ZMAT4: variants seen among roughly 807,000 people sequenced by gnomAD.
The protein encoded by ZMAT4 is zinc finger matrin-type protein 4.
ZMAT4 carries 17 observed loss-of-function variants against 28.7 expected under a neutral mutation model. That is an observed-to-expected ratio of 0.59 (90% CI 0.41 to 0.89). ZMAT4 has a LOEUF of 0.89. Among genes scored for constraint, ZMAT4 ranks in the 40% least tolerant of loss-of-function variants. The probability of loss-of-function intolerance (pLI) is 0.00; values close to 1 mark genes in which losing one functional copy is unlikely to be tolerated. For synonymous variants in ZMAT4, 117 were observed against 109.2 expected (o/e 1.07, Z -0.44); for missense variants, 240 against 283.8 (o/e 0.85, Z 1.11).
intron 1 of ZMAT4, among the ~76,000 whole-genome samples, chr8:40,849,250 C>A (rs1373487851): frequency 1.3e-5 from 2 of 152,262 alleles, no homozygotes; most frequent in Admixed American, 6.5e-5. Context: ...CCACTCTCAA[C>A]ACACAATTGC....
chr8:40,740,297 A>T (rs751625560), intron 3 of ZMAT4, among the ~76,000 whole-genome samples: 1 of 152,206 alleles, frequency 6.6e-6, no homozygotes, highest in Non-Finnish European at 1.5e-5. Flanking sequence ...CTTCTCCAGC[A>T]TCTGTTGCTT....
At chr8:40,613,186 T>TTTTG in intron 5 of ZMAT4, among the ~76,000 whole-genome samples, 1 of 135,188 alleles carries the variant, frequency 7.4e-6, no homozygotes, top group Non-Finnish European at 1.6e-5. Context: ...CTTTCTTTTT[T>TTTTG]TTTTTTTTTT....
intron 1 of ZMAT4, among the ~76,000 whole-genome samples, chr8:40,858,276 C>T (rs1445787431): frequency 2.6e-5 from 4 of 152,114 alleles, no homozygotes; most frequent in Non-Finnish European, 4.4e-5. Flanking sequence ...GGGGGTGAGG[C>T]GGTGCTCATT....
At chr8:40,588,488 A>G (rs1261353502) in intron 5 of ZMAT4, among the ~76,000 whole-genome samples, 1 of 152,170 alleles carries the variant, frequency 6.6e-6, no homozygotes, top group African/African-American at 2.4e-5. Context: ...ATCATAAAAG[A>G]AGACATAAAA....
At chr8:40,713,507 T>C (rs1317484061) in intron 3 of ZMAT4, among the ~76,000 whole-genome samples, 3 of 152,110 alleles carry the variant, frequency 2.0e-5, no homozygotes, top group African/African-American at 7.2e-5. Flanking sequence ...CCATACATAT[T>C]TTTAAATGCT....
chr8:40,872,438 C>A (rs971598539), intron 1 of ZMAT4, among the ~76,000 whole-genome samples: 1 of 152,172 alleles, frequency 6.6e-6, no homozygotes, highest in African/African-American at 2.4e-5. Flanking sequence ...CCCCAGTACC[C>A]CCCCCAACCC....
intron 3 of ZMAT4, among the ~76,000 whole-genome samples, chr8:40,749,296 C>A (rs1812365512): frequency 6.6e-6 from 1 of 152,228 alleles, no homozygotes. Flanking sequence ...ACCTGTCTCT[C>A]ACCACATCCT....
chr8:40,534,322 A>G (rs1256090742), intron 6 of ZMAT4, among the ~76,000 whole-genome samples: 1 of 152,128 alleles, frequency 6.6e-6, no homozygotes, highest in Non-Finnish European at 1.5e-5. Flanking sequence ...CATTTGATAC[A>G]AAAGAACACG....
At chr8:40,697,088 G>A (rs553590507) in intron 4 of ZMAT4, 157 bp downstream of exon 4, 1 of 788,012 alleles carries the variant, frequency 1.3e-6, no homozygotes, top group Non-Finnish European at 2.0e-6. Flanking sequence ...GGACAGCCAG[G>A]TCTGCTGAGG....
At chr8:40,694,548 C>T (rs1214553030) in intron 4 of ZMAT4, among the ~76,000 whole-genome samples, 2 of 152,114 alleles carry the variant, frequency 1.3e-5, no homozygotes, top group African/African-American at 4.8e-5. Context: ...TGCATGCTCC[C>T]TGGGCCCAGA....
chr8:40,559,825 A>G (rs932004081), intron 6 of ZMAT4, among the ~76,000 whole-genome samples: 11 of 152,132 alleles, frequency 7.2e-5, no homozygotes, highest in Admixed American at 2.0e-4. Flanking sequence ...ACATAAGTAC[A>G]CACAAATACA....
At chr8:40,879,060 G>A (rs184626937) in intron 1 of ZMAT4, among the ~76,000 whole-genome samples, 73 of 152,296 alleles carry the variant, frequency 4.8e-4, no homozygotes, top group African/African-American at 1.2e-3. Context: ...GCATGCAAAC[G>A]AGGACAGGCA....
intron 6 of ZMAT4, among the ~76,000 whole-genome samples, chr8:40,545,854 A>G (rs1006068092): frequency 6.6e-6 from 1 of 151,816 alleles, no homozygotes; most frequent in Non-Finnish European, 1.5e-5. Context: ...AAAGGAAGAA[A>G]GGTGTGATAC....
At chr8:40,800,969 G>T (rs1814806369) in intron 2 of ZMAT4, among the ~76,000 whole-genome samples, 1 of 151,766 alleles carries the variant, frequency 6.6e-6, no homozygotes, top group Non-Finnish European at 1.5e-5. Flanking sequence ...AAATCAATAA[G>T]CCTCAAGCAA....
intron 1 of ZMAT4, among the ~76,000 whole-genome samples, chr8:40,831,209 C>T (rs921168898): frequency 6.6e-6 from 1 of 152,166 alleles, no homozygotes; most frequent in Non-Finnish European, 1.5e-5. Context: ...AATGCAGCTG[C>T]CCACTCCTCC....
In ZMAT4 at chr8:40,633,205, T is replaced by A. The variant is rs547957262; in HGVS notation, c.577+41499A>T. 1.2e-3 allele frequency among the ~76,000 whole-genome samples: 183 copies of A among 152,322 alleles called. 1 individual carries two copies. Among genetic ancestry groups the A allele is most frequent in the Middle Eastern group, 6.8e-3 (2 of 294 alleles). On this transcript the variant is annotated intron_variant, in intron 5 of 6. Coordinates refer to ENST00000297737, the MANE Select transcript of ZMAT4 (RefSeq NM_024645.3). Reference sequence around the variant, plus strand: ...ATGGGAGCTCAGCTGTTGTCTAGAATGTAAATTTTTCAAAATCCCTTTGTT... The same window carrying A: ...ATGGGAGCTCAGCTGTTGTCTAGAAAGTAAATTTTTCAAAATCCCTTTGTT...
intron 5 of ZMAT4, among the ~76,000 whole-genome samples, chr8:40,631,381 C>T (rs990588559): frequency 2.6e-4 from 39 of 152,168 alleles, no homozygotes; most frequent in African/African-American, 8.0e-4. Flanking sequence ...TGGTCTCAAA[C>T]TCCTGACCTC....
At chr8:40,820,927 G>A (rs202151075) in intron 2 of ZMAT4, among the ~76,000 whole-genome samples, 2 of 29,238 alleles carry the variant, frequency 6.8e-5, no homozygotes, top group East Asian at 2.5e-3. Flanking sequence ...GTGGGTGTGT[G>A]TAGGAAGTGG....
At chr8:40,800,866 C>A (rs72641543) in intron 2 of ZMAT4, among the ~76,000 whole-genome samples, 1 of 151,746 alleles carries the variant, frequency 6.6e-6, no homozygotes, top group African/African-American at 2.4e-5. Flanking sequence ...AAATTAAATT[C>A]AAAGCAAGCA....
Sources: allele counts gnomAD v4.1 joint callset (sites outside exome capture counted in the v4.1 genomes callset), GRCh38; gene constraint gnomAD v4.1.1; transcripts MANE v1.5; gene names NCBI Gene and HGNC (gene_info 2026-07-23, HGNC 2026-07-21).